The following CORIN variants were observed in gnomAD, a reference collection of about 807,000 sequenced individuals.
The protein encoded by CORIN is atrial natriuretic peptide-converting enzyme.
Under a neutral mutation model 125.3 loss-of-function variants are expected in CORIN, and 117 were observed. The observed-to-expected ratio is 0.93, with a 90% confidence interval of 0.80 to 1.09. The LOEUF (loss-of-function observed/expected upper bound fraction) is 1.09. Ranked by LOEUF, CORIN falls within the 50% of genes least tolerant of loss-of-function variation. The pLI is 0.00. For synonymous variants in CORIN, 450 were observed against 466.4 expected (o/e 0.96, Z 0.45); for missense variants, 1,253 against 1,306.7 (o/e 0.96, Z 0.63).
chr4:47,650,096 T>C (rs953533948), intron 13 of CORIN, among the ~76,000 whole-genome samples: 3 of 152,234 alleles, frequency 2.0e-5, no homozygotes, highest in Admixed American at 2.0e-4. Context: ...CAGAGTCAGA[T>C]CTTCTAATAC....
At chr4:47,680,758 TATC>T (rs145091582) in intron 7 of CORIN, 69,499 of 152,960 alleles carry the variant, frequency 0.45, 17,739 homozygotes, top group Non-Finnish European at 0.59. Flanking sequence ...TTTAATTGAT[TATC>T]TTTTTTTTGA....
At chr4:47,706,975 C>T in intron 5 of CORIN, 1 of 1,584,056 alleles carries the variant, frequency 6.3e-7, no homozygotes. Flanking sequence ...TCCAGCTCCA[C>T]CGTTACCGCT....
intron 5 of CORIN, among the ~76,000 whole-genome samples, chr4:47,701,036 C>T (rs1031441915): frequency 2.6e-5 from 4 of 152,220 alleles, no homozygotes; most frequent in Non-Finnish European, 5.9e-5. Context: ...TTTTAACTTA[C>T]ACATTTTTGG....
intron 16 of CORIN, among the ~76,000 whole-genome samples, chr4:47,631,121 T>C (rs551401778): frequency 2.0e-4 from 31 of 151,692 alleles, no homozygotes; most frequent in African/African-American, 7.0e-4. Flanking sequence ...TCCTGTGCAC[T>C]GCAGGATGTT....
intron 4 of CORIN, among the ~76,000 whole-genome samples, chr4:47,758,201 C>T (rs1729278182): frequency 6.6e-6 from 1 of 151,984 alleles, no homozygotes; most frequent in Non-Finnish European, 1.5e-5. Context: ...GTGTGAGCCA[C>T]CACGCCCAGC....
intron 11 of CORIN, among the ~76,000 whole-genome samples, 159 bp from the exon 12 acceptor site, chr4:47,662,015 C>G (rs1724272315): frequency 6.6e-6 from 1 of 152,152 alleles, no homozygotes; most frequent in Admixed American, 6.5e-5. Context: ...TTTGGGAAAC[C>G]AAAATGAGTA....
intron 1 of CORIN, among the ~76,000 whole-genome samples, chr4:47,807,821 T>G (rs1412183599): frequency 6.6e-6 from 1 of 152,192 alleles, no homozygotes; most frequent in Non-Finnish European, 1.5e-5. Context: ...CTTAAAGCAG[T>G]GACTTCAAAA....
intron 5 of CORIN, among the ~76,000 whole-genome samples, chr4:47,710,565 G>T (rs190787104): frequency 6.6e-6 from 1 of 152,188 alleles, no homozygotes; most frequent in Admixed American, 6.5e-5. Context: ...CAGCCAGGCT[G>T]GCCTCACAGG....
intron 13 of CORIN, among the ~76,000 whole-genome samples, chr4:47,648,099 A>AT (rs1723567665): frequency 6.6e-6 from 1 of 152,212 alleles, no homozygotes; most frequent in Non-Finnish European, 1.5e-5. Flanking sequence ...GGGAGATAGT[A>AT]TTATTTTAAG....
Position 47,763,591 on chromosome 4 carries a change from G to A in CORIN, c.410-5C>T. On this transcript the variant is annotated splice_polypyrimidine_tract_variant and splice_region_variant and intron_variant, in intron 3 of 21. Coordinates refer to ENST00000273857, the MANE Select transcript of CORIN (RefSeq NM_006587.4). The stretch of plus-strand genomic sequence containing the variant: ...GGGTGATGTTCATACAGGCACCTGG[G>A]AAGTAAAGACATGCACATTTAAGAG... 1 of 1,613,246 alleles carries A rather than the reference G, an allele frequency of 6.2e-7. No individual in the cohort carries two copies.
At chr4:47,615,763 G>C (rs1160816374) in intron 19 of CORIN, among the ~76,000 whole-genome samples, 1 of 152,084 alleles carries the variant, frequency 6.6e-6, no homozygotes, top group Non-Finnish European at 1.5e-5. Flanking sequence ...TCTAGCCTCC[G>C]GAACTGTATG....
chr4:47,786,921 T>C lies in CORIN; in HGVS notation c.213A>G (p.Thr71=), dbSNP rs1258370011. The C allele has an allele frequency of 4.4e-6, 7 of 1,607,216 alleles. No individual in the cohort carries two copies. Among genetic ancestry groups the C allele is most frequent in the Admixed American group, 1.7e-5 (1 of 59,232 alleles). The change falls in exon 3 of 22, where the codon ACA becomes ACG. Residue 71 remains threonine (T), a synonymous_variant. Transcript: ENST00000273857. The part of the protein sequence containing the change: ...LLVILLSYVG[T]LQKVYFKSNG... ...TTGATTTAAAATAGACCTTTTGTAA[T>C]GTTCCTGAAAGACAAAAACAAACAC... is the stretch of plus-strand genomic sequence containing the variant.
chr4:47,618,741 C>A (rs1036535595), intron 19 of CORIN, among the ~76,000 whole-genome samples: 1 of 151,870 alleles, frequency 6.6e-6, no homozygotes, highest in Non-Finnish European at 1.5e-5. Context: ...ATGGCATGAA[C>A]CCAGGAGGCG....
At chr4:47,667,921 T>G (rs539432946) in intron 10 of CORIN, among the ~76,000 whole-genome samples, 1 of 152,228 alleles carries the variant, frequency 6.6e-6, no homozygotes, top group East Asian at 1.9e-4. Context: ...TATTAGGAGG[T>G]GGAGGCTTTG....
intron 16 of CORIN, among the ~76,000 whole-genome samples, chr4:47,637,315 G>C (rs1406904575): frequency 6.6e-6 from 1 of 152,182 alleles, no homozygotes; most frequent in East Asian, 1.9e-4. Flanking sequence ...CAATAGAAAA[G>C]AAAATACCAT....
intron 3 of CORIN, among the ~76,000 whole-genome samples, chr4:47,770,987 T>C (rs1730000523): frequency 6.6e-6 from 1 of 152,128 alleles, no homozygotes; most frequent in Non-Finnish European, 1.5e-5. Flanking sequence ...TTAATAATAA[T>C]GCCCTGTACA....
chr4:47,744,246 T>C (rs1231099507), intron 5 of CORIN, among the ~76,000 whole-genome samples, 156 bp downstream of exon 5: 3 of 151,272 alleles, frequency 2.0e-5, no homozygotes, highest in Non-Finnish European at 1.5e-5. Flanking sequence ...GGGGATGTTG[T>C]TAATATTCTA....
At chr4:47,657,819 C>T (rs1724064796) in intron 12 of CORIN, among the ~76,000 whole-genome samples, 1 of 151,598 alleles carries the variant, frequency 6.6e-6, no homozygotes. Context: ...GAAGGATCTG[C>T]CCCCATAATC....
At chr4:47,836,762 A>G (rs1577967611) in intron 1 of CORIN, among the ~76,000 whole-genome samples, 3 of 152,192 alleles carry the variant, frequency 2.0e-5, no homozygotes, top group Non-Finnish European at 4.4e-5. Context: ...AAGCGCGTAC[A>G]CTGCCATCCA....
Sources: allele counts gnomAD v4.1 joint callset (sites outside exome capture counted in the v4.1 genomes callset), GRCh38; gene constraint gnomAD v4.1.1; transcripts MANE v1.5; gene names NCBI Gene and HGNC (gene_info 2026-07-23, HGNC 2026-07-21).